The following SAMD4B variants were observed in gnomAD, a reference collection of about 807,000 sequenced individuals.
SAMD4B encodes the protein protein Smaug homolog 2.
A neutral mutation model predicts 74.5 loss-of-function variants in SAMD4B; 5 were observed. The observed-to-expected ratio is 0.07, with a 90% CI of 0.04 to 0.14. The LOEUF (loss-of-function observed/expected upper bound fraction) is 0.14, where lower values mean the gene tolerates loss of function less well. Among genes scored for constraint, SAMD4B ranks in the 10% least tolerant of loss-of-function variants. The pLI is 1.00. For missense variants in SAMD4B, 608 were observed against 921.8 expected, an observed-to-expected ratio of 0.66 and a Z score of 4.41; for synonymous variants, 373 against 374.9, an observed-to-expected ratio of 1.00 and a Z score of 0.06.
At chr19:39,366,302 T>C (rs563587040) in intron 3 of SAMD4B, among the ~76,000 whole-genome samples, 2 of 150,538 alleles carry the variant, frequency 1.3e-5, no homozygotes, top group Admixed American at 1.3e-4. Flanking sequence ...GGCAACAAAG[T>C]GAGACTCCAT....
downstream of SAMD4B, chr19:39,388,526 C>G (rs1182111950): frequency 1.2e-6 from 2 of 1,613,412 alleles, no homozygotes; most frequent in African/African-American, 1.3e-5. Flanking sequence ...CCCAAAACTT[C>G]CCAATCCCCA....
chr19:39,389,764 G>C, downstream of SAMD4B: 1 of 1,614,098 alleles, frequency 6.2e-7, no homozygotes. The surrounding 1 kb of genome is among the most constrained non-coding windows in gnomAD (Gnocchi z 5.3). Flanking sequence ...GGACGAACCT[G>C]GGTGGGGAAA....
intron 3 of SAMD4B, among the ~76,000 whole-genome samples, chr19:39,361,875 C>T (rs775876796): frequency 1.3e-5 from 2 of 151,986 alleles, no homozygotes; most frequent in South Asian, 4.1e-4. Context: ...TGCAATGATC[C>T]GAGATCGCAC....
rs375537051 is a variant in SAMD4B at position 39,381,102 on chromosome 19, T to C, written c.1961T>C (p.Met654Thr). ...CACTCGTCACCCCAGGCCATTCTCATGTTCCCTCCAGGTGAGGTGCCCCAC... is the reference window on the plus strand; with the variant it reads ...CACTCGTCACCCCAGGCCATTCTCACGTTCCCTCCAGGTGAGGTGCCCCAC... ...PVHSSPQAIL[M>T]FPPDCPVPGP... Residue 654 changes from methionine to threonine, a missense_variant, in exon 12 of 14, where the codon ATG (methionine) becomes ACG (threonine). By Grantham distance (81) the Met-to-Thr change is moderately conservative (BLOSUM62 -1). Coordinates refer to ENST00000610417, the MANE Select transcript of SAMD4B (RefSeq NM_001384574.2). 1 of 1,610,436 alleles carries C rather than the reference T, an allele frequency of 6.2e-7. No homozygotes were observed. The highest frequency in any genetic ancestry group is 8.5e-7 in the Non-Finnish European group (1 of 1,178,908).
At chr19:39,366,145 C>T (rs1271800638) in intron 3 of SAMD4B, among the ~76,000 whole-genome samples, 1 of 152,102 alleles carries the variant, frequency 6.6e-6, no homozygotes, top group Non-Finnish European at 1.5e-5. Context: ...GTTAAACGCC[C>T]CCTCCACTAA....
At chr19:39,372,690 C>T (rs959491545) in intron 4 of SAMD4B, among the ~76,000 whole-genome samples, 22 of 152,088 alleles carry the variant, frequency 1.4e-4, no homozygotes, top group Non-Finnish European at 1.5e-5. Context: ...AAGCAGGGCT[C>T]CTCAGGAACT....
At position 39,375,132 on chromosome 19, in the gene SAMD4B, A is replaced by G. The variant is rs924744692; in HGVS notation, c.668-518A>G. On this transcript the variant is annotated intron_variant, in intron 4 of 13. Coordinates refer to ENST00000610417, the MANE Select transcript of SAMD4B (RefSeq NM_001384574.2). The surrounding 1 kb of genome is among the most constrained non-coding windows in gnomAD (Gnocchi z 4.1). ...TTTCAGGAACAAAGGGGAGTTTGGG[A>G]GGAGGCAAAGGCTAGAGAGGCATGA... 1.3e-5 allele frequency among the ~76,000 whole-genome samples: 2 copies of G among 152,186 alleles called. No individual in the cohort carries two copies. Among genetic ancestry groups the G allele is most frequent in the Non-Finnish European group, 2.9e-5 (2 of 68,032 alleles).
Position 39,375,554 on chromosome 19 carries a change from G to A in SAMD4B, c.668-96G>A. 1 of 1,495,322 alleles carries A rather than the reference G, an allele frequency of 6.7e-7. No homozygotes were observed. The highest frequency in any genetic ancestry group is 9.1e-7 in the Non-Finnish European group (1 of 1,103,322). 92.6% of individuals were successfully genotyped at this position (1,495,322 alleles called of 1,614,324 possible). On this transcript the variant is annotated intron_variant, in intron 4 of 13. Coordinates refer to ENST00000610417, the MANE Select transcript of SAMD4B (RefSeq NM_001384574.2). This position sits in a 1 kb window ranked among gnomAD's most constrained non-coding sequence, Gnocchi z 4.1. ...GGTCCCTTCCTCTTGGCAGGTTATG[G>A]GGCCAAACTGCCATCCTGGCACTGA...
At chr19:39,364,577 T>C (rs1263897876) in intron 3 of SAMD4B, among the ~76,000 whole-genome samples, 1 of 152,214 alleles carries the variant, frequency 6.6e-6, no homozygotes, top group African/African-American at 2.4e-5. Context: ...TTATTTTCAT[T>C]CTTGACTTTC....
At position 39,378,514 on chromosome 19, in the gene SAMD4B, A is replaced by G. The variant is rs1568364901; in HGVS notation, c.1455A>G (p.Gln485=). The change falls in exon 9 of 14, where the codon CAA becomes CAG. Residue 485 remains glutamine, a synonymous_variant. Transcript: ENST00000610417. This position sits in a 1 kb window ranked among gnomAD's most constrained non-coding sequence, Gnocchi z 4.4. ...CTCATGTCCCCCCAGTGTGCACCCA[A>G]CTGCTGGTGTCCCGACCAGACGAGG... ...FTRVMGKVCT[Q]LLVSRPDEEN... 3.1e-6 allele frequency: 5 copies of G among 1,613,786 alleles called. No individual in the cohort carries two copies. The highest frequency in any genetic ancestry group is 1.1e-5 in the South Asian group (1 of 91,070).
chr19:39,388,278 C>T (rs2078297135), downstream of SAMD4B: 1 of 1,582,044 alleles, frequency 6.3e-7, no homozygotes, highest in Non-Finnish European at 8.7e-7. Flanking sequence ...GTGGCTCTTG[C>T]ATGCCCCAGG....
chr19:39,350,038 A>G (rs961725239), intron 1 of SAMD4B: 2 of 152,212 alleles, frequency 1.3e-5, no homozygotes, highest in Non-Finnish European at 2.9e-5. Flanking sequence ...CTGTAAAATG[A>G]TAATATATTC....
downstream of SAMD4B, chr19:39,389,713 G>C: frequency 1.2e-6 from 2 of 1,614,124 alleles, no homozygotes; most frequent in Non-Finnish European, 1.7e-6. The surrounding 1 kb of genome is among the most constrained non-coding windows in gnomAD (Gnocchi z 5.3). Context: ...CAGTCAGGAG[G>C]TCATGTTTGT....
At chr19:39,357,892 T>C (rs1568349159) in intron 3 of SAMD4B, among the ~76,000 whole-genome samples, 1 of 152,312 alleles carries the variant, frequency 6.6e-6, no homozygotes, top group East Asian at 1.9e-4. Flanking sequence ...CCCTAACTCT[T>C]TGCACCTTCT....
chr19:39,358,204 G>A (rs935460231), intron 3 of SAMD4B, among the ~76,000 whole-genome samples: 2 of 152,182 alleles, frequency 1.3e-5, no homozygotes, highest in Non-Finnish European at 2.9e-5. Context: ...CCGGGAGGCG[G>A]AGGTTGCAGT....
At chr19:39,358,428 G>A (rs781046216) in intron 3 of SAMD4B, among the ~76,000 whole-genome samples, 2 of 151,980 alleles carry the variant, frequency 1.3e-5, no homozygotes, top group Non-Finnish European at 2.9e-5. Flanking sequence ...ATTTTTGTAT[G>A]TTTAGTAGAG....
chr19:39,389,393 G>A, downstream of SAMD4B: 2 of 1,613,738 alleles, frequency 1.2e-6, no homozygotes, highest in Non-Finnish European at 8.5e-7. The surrounding 1 kb of genome is among the most constrained non-coding windows in gnomAD (Gnocchi z 5.3). Flanking sequence ...TCTGGGGTGG[G>A]AAATCAGGTA....
Position 39,380,646 on chromosome 19 carries a change from G to C in SAMD4B, c.1709G>C (p.Arg570Pro). 6.2e-7 allele frequency: 1 copy of C among 1,614,054 alleles called. No individual in the cohort carries two copies. The highest frequency in any genetic ancestry group is 8.5e-7 in the Non-Finnish European group (1 of 1,180,006). The change falls in exon 11 of 14, where the codon CGG becomes CCG. Residue 570 changes from arginine (R) to proline (P), a missense_variant. Arg to Pro is a moderately radical substitution (Grantham distance 103). Coordinates refer to ENST00000610417, the MANE Select transcript of SAMD4B (RefSeq NM_001384574.2). ...GGCTCTGTGGGGATGGGAGTGGCCC[G>C]GCGTACCCAGCGGCAGTTCCCAATG... ...IAGSVGMGVA[R>P]RTQRQFPMPP...
downstream of SAMD4B, chr19:39,386,134 C>A (rs771449728): frequency 6.2e-7 from 1 of 1,614,146 alleles, no homozygotes; most frequent in South Asian, 1.1e-5. The surrounding 1 kb of genome is among the most constrained non-coding windows in gnomAD (Gnocchi z 6.1). Context: ...CCATTGCTGC[C>A]GCTGTCTGAA....
Sources: allele counts gnomAD v4.1 joint callset (sites outside exome capture counted in the v4.1 genomes callset), GRCh38; gene constraint gnomAD v4.1.1; non-coding constraint Gnocchi (gnomAD v3.1); transcripts MANE v1.5; gene names NCBI Gene and HGNC (gene_info 2026-07-23, HGNC 2026-07-21).